UBE2QL1: variants seen among roughly 807,000 people sequenced by gnomAD.
The protein encoded by UBE2QL1 is ubiquitin conjugating enzyme E2 QL1.
Under a neutral mutation model 12.6 loss-of-function variants are expected in UBE2QL1, and 5 were observed. The ratio of observed to expected loss-of-function variants is 0.40; its 90% CI spans 0.21 to 0.83. The LOEUF (loss-of-function observed/expected upper bound fraction) is 0.83, where lower values mean the gene tolerates loss of function less well. UBE2QL1 is among the 40% of genes least tolerant of loss of function. UBE2QL1 has a pLI of 0.37. For missense variants in UBE2QL1, 99 were observed against 222.6 expected (o/e 0.44, Z 3.53); for synonymous variants, 96 against 94.5 (o/e 1.02, Z -0.10).
intron 1 of UBE2QL1, among the ~76,000 whole-genome samples, chr5:6,487,210 G>T (rs556577426): frequency 6.6e-6 from 1 of 152,308 alleles, no homozygotes; most frequent in African/African-American, 2.4e-5. Context: ...GGGGCCACTT[G>T]TCATCTTATT....
At chr5:6,482,434 G>A (rs1029200231) in intron 1 of UBE2QL1, among the ~76,000 whole-genome samples, 11 of 152,102 alleles carry the variant, frequency 7.2e-5, no homozygotes, top group Non-Finnish European at 1.2e-4. Flanking sequence ...CTCACGTGGC[G>A]TCTGCTCCTG....
chr5:6,488,641 A>T (rs57722005), intron 1 of UBE2QL1, among the ~76,000 whole-genome samples: 29,488 of 151,592 alleles, frequency 0.19, 6,331 homozygotes, highest in African/African-American at 0.53. Context: ...TATAAAAAAA[A>T]TTTTTTTAAC....
intron 1 of UBE2QL1, among the ~76,000 whole-genome samples, chr5:6,456,806 A>G (rs897670542): frequency 6.6e-6 from 1 of 152,010 alleles, no homozygotes; most frequent in East Asian, 1.9e-4. Context: ...GTGGCAGAGG[A>G]TTGTGAGATG....
intron 1 of UBE2QL1, among the ~76,000 whole-genome samples, chr5:6,465,015 T>G (rs1036984226): frequency 2.7e-5 from 4 of 150,470 alleles, no homozygotes; most frequent in African/African-American, 9.8e-5. Context: ...TGAGACTGAG[T>G]CTCACTCTGC....
intron 1 of UBE2QL1, among the ~76,000 whole-genome samples, chr5:6,459,516 C>T (rs1190763452): frequency 6.6e-6 from 1 of 152,148 alleles, no homozygotes; most frequent in Non-Finnish European, 1.5e-5. Flanking sequence ...CTCGAGGTGT[C>T]TGGGGACACC....
intron 1 of UBE2QL1, among the ~76,000 whole-genome samples, chr5:6,483,186 A>T (rs1429339803): frequency 6.6e-6 from 1 of 152,202 alleles, no homozygotes; most frequent in Non-Finnish European, 1.5e-5. Flanking sequence ...CTGTAATCCC[A>T]GCACTTTGGG....
At chr5:6,490,192 G>A (rs1299527415) in intron 1 of UBE2QL1, among the ~76,000 whole-genome samples, 1 of 152,204 alleles carries the variant, frequency 6.6e-6, no homozygotes, top group Non-Finnish European at 1.5e-5. Context: ...ACCATTAAGA[G>A]GCTTAATGAA....
In UBE2QL1 at chr5:6,476,797, A is replaced by T. The variant is rs1734243594; in HGVS notation, c.355-14421A>T. On this transcript the variant is annotated intron_variant, in intron 1 of 1. Transcript: ENST00000399816. The surrounding 1 kb of genome is among the most constrained non-coding windows in gnomAD (Gnocchi z 4.9). Reference sequence around the variant, plus strand: ...AAATGTAGTTGAGATTTGTAAAAACAAACGGCGTTGTCTTCACTGGACACT... The same window carrying T: ...AAATGTAGTTGAGATTTGTAAAAACTAACGGCGTTGTCTTCACTGGACACT... Among the ~76,000 whole-genome samples, 1 of 152,194 alleles carries T rather than the reference A, an allele frequency of 6.6e-6. No individual in the cohort carries two copies. The highest frequency in any genetic ancestry group is 1.5e-5 in the Non-Finnish European group (1 of 68,036).
At chr5:6,487,419 G>T (rs1734486240) in intron 1 of UBE2QL1, among the ~76,000 whole-genome samples, 1 of 152,234 alleles carries the variant, frequency 6.6e-6, no homozygotes, top group African/African-American at 2.4e-5. Flanking sequence ...AAATCCTGTA[G>T]TTGTTCATAA....
chr5:6,464,675 G>C (rs548072936), intron 1 of UBE2QL1, among the ~76,000 whole-genome samples: 1 of 152,246 alleles, frequency 6.6e-6, no homozygotes, highest in East Asian at 1.9e-4. Flanking sequence ...AGGGAGGGCC[G>C]TGTCTGCCTT....
At chr5:6,483,976 G>A (rs556976965) in intron 1 of UBE2QL1, among the ~76,000 whole-genome samples, 7 of 152,352 alleles carry the variant, frequency 4.6e-5, no homozygotes, top group South Asian at 2.1e-4. Flanking sequence ...GGCAAACAGT[G>A]CATTCTGAAA....
intron 1 of UBE2QL1, among the ~76,000 whole-genome samples, chr5:6,462,814 T>C (rs1291232595): frequency 6.6e-6 from 1 of 152,184 alleles, no homozygotes; most frequent in African/African-American, 2.4e-5. Context: ...GAGGGAAATA[T>C]AAGATTTCTG....
intron 1 of UBE2QL1, among the ~76,000 whole-genome samples, chr5:6,474,895 C>A (rs1466639360): frequency 6.6e-6 from 1 of 152,196 alleles, no homozygotes; most frequent in East Asian, 1.9e-4. Context: ...CACCTGACAG[C>A]TGCATGGCAT....
In UBE2QL1 at chr5:6,495,445, G is replaced by A. The variant is rs1242633989; in HGVS notation, c.*4096G>A. ...TTACACCCTCTGCAGTGAAGGAGGCGAGCCCAGAGACTTTGAGGGGCTTGT... is the reference window on the plus strand; with the variant it reads ...TTACACCCTCTGCAGTGAAGGAGGCAAGCCCAGAGACTTTGAGGGGCTTGT... On this transcript the variant is annotated 3_prime_UTR_variant, in exon 2 of 2. Coordinates refer to ENST00000399816, the MANE Select transcript of UBE2QL1 (RefSeq NM_001145161.3). Among the ~76,000 whole-genome samples, 2 of 152,174 alleles carry A rather than the reference G, an allele frequency of 1.3e-5. No individual in the cohort carries two copies. The highest frequency in any genetic ancestry group is 4.8e-5 in the African/African-American group (2 of 41,440).
chr5:6,465,184 ACC>A (rs1317098634), intron 1 of UBE2QL1, among the ~76,000 whole-genome samples: 1 of 152,024 alleles, frequency 6.6e-6, no homozygotes, highest in Non-Finnish European at 1.5e-5. Context: ...ATGGGGTTTC[ACC>A]ACATTGGCCA....
intron 1 of UBE2QL1, among the ~76,000 whole-genome samples, chr5:6,466,492 C>T (rs2126343811): frequency 6.6e-6 from 1 of 152,360 alleles, no homozygotes; most frequent in African/African-American, 2.4e-5. Flanking sequence ...TGGGGCTGGG[C>T]AGTGTGGCCC....
chr5:6,465,615 T>TG (rs542827198), intron 1 of UBE2QL1, among the ~76,000 whole-genome samples: 26 of 151,946 alleles, frequency 1.7e-4, no homozygotes, highest in East Asian at 9.7e-4. Context: ...ACAGGGACTC[T>TG]TGGGGGGGCT....
At chr5:6,474,547 G>A (rs1005182840) in intron 1 of UBE2QL1, among the ~76,000 whole-genome samples, 1 of 152,168 alleles carries the variant, frequency 6.6e-6, no homozygotes, top group Non-Finnish European at 1.5e-5. Flanking sequence ...AATCCCAAGT[G>A]CATCTCCCTC....
chr5:6,459,489 C>T (rs1453323088), intron 1 of UBE2QL1, among the ~76,000 whole-genome samples: 2 of 152,172 alleles, frequency 1.3e-5, no homozygotes, highest in East Asian at 3.9e-4. Context: ...TCGAAGCCAC[C>T]TGGAGGACTG....
Sources: gnomAD v4.1 joint callset for allele counts (sites outside exome capture counted in the v4.1 genomes callset) on GRCh38, gnomAD v4.1.1 for gene constraint, Gnocchi (gnomAD v3.1) non-coding constraint, MANE v1.5 for transcripts, NCBI Gene and HGNC (gene_info 2026-07-23, HGNC 2026-07-21) for gene names.